The following CLYBL variants were observed in gnomAD, a reference collection of about 807,000 sequenced individuals.
CLYBL encodes the protein citramalyl-CoA lyase.
A neutral mutation model predicts 38.9 loss-of-function variants in CLYBL; 31 were observed. The observed-to-expected ratio is 0.80, with a 90% CI of 0.60 to 1.08. The LOEUF is 1.08. Ranked by LOEUF, CLYBL falls within the 50% of genes least tolerant of loss-of-function variation. The pLI, the probability that CLYBL is intolerant of heterozygous loss-of-function variation, is 0.00. For synonymous variants in CLYBL, 171 were observed against 158.6 expected, an observed-to-expected ratio of 1.08 and a Z score of -0.59; for missense variants, 434 against 411.6, an observed-to-expected ratio of 1.05 and a Z score of -0.47.
At chr13:99,892,099 A>G (rs1298430415) in intron 8 of CLYBL, 1 of 152,238 alleles carries the variant, frequency 6.6e-6, no homozygotes, top group Non-Finnish European at 1.5e-5. Flanking sequence ...ACCGGCAATT[A>G]AAAAATAAAT....
intron 1 of CLYBL, among the ~76,000 whole-genome samples, chr13:99,717,887 A>G (rs1211665949): frequency 6.6e-6 from 1 of 152,198 alleles, no homozygotes; most frequent in Non-Finnish European, 1.5e-5. Flanking sequence ...TTAATAACAT[A>G]GGATCACTTC....
intron 1 of CLYBL, among the ~76,000 whole-genome samples, chr13:99,652,821 C>T (rs1164025116): frequency 6.6e-6 from 1 of 152,210 alleles, no homozygotes; most frequent in Non-Finnish European, 1.5e-5. Flanking sequence ...GCTACTGAAG[C>T]TTATTGCTTC....
At chr13:99,801,665 C>T (rs2050138876) in intron 2 of CLYBL, among the ~76,000 whole-genome samples, 1 of 152,148 alleles carries the variant, frequency 6.6e-6, no homozygotes, top group Admixed American at 6.5e-5. Flanking sequence ...AATACTGTCA[C>T]TTTCTGCGTA....
rs1594078707 is a variant in CLYBL, at chr13:99,606,832, CCGGGCGCGG to C, written c.62+77_62+85del. On this transcript the variant is annotated intron_variant, in intron 1 of 8. Coordinates refer to ENST00000339105, the MANE Select transcript of CLYBL (RefSeq NM_206808.5). ...TCGGCTCCTGTTGCAGCCCCGCGGGCCGGGCGCGGCCTCCCCAAGCCCTCACGGGAACCC... is the reference window on the plus strand; with the variant it reads ...TCGGCTCCTGTTGCAGCCCCGCGGGCCCTCCCCAAGCCCTCACGGGAACCC... 5 of 1,300,144 alleles carry C rather than the reference CCGGGCGCGG, an allele frequency of 3.8e-6. No individual in the cohort carries two copies. In the East Asian group the frequency reaches 1.6e-4, roughly 41 times the overall value. 80.5% of individuals were successfully genotyped at this position (1,300,144 alleles called of 1,614,324 possible).
At chr13:99,841,154 G>C (rs1357317084) in intron 2 of CLYBL, among the ~76,000 whole-genome samples, 2 of 152,070 alleles carry the variant, frequency 1.3e-5, no homozygotes, top group Admixed American at 6.5e-5. Flanking sequence ...ATTTTTTATC[G>C]AGAGGTGGAG....
In CLYBL at chr13:99,627,456, C is replaced by G. The variant is rs74112503; in HGVS notation, c.62+20699C>G. Among the ~76,000 whole-genome samples, 1,514 of 152,174 alleles carry G rather than the reference C, an allele frequency of 9.9e-3. 18 individuals are homozygous for G. Among genetic ancestry groups the G allele is most frequent in the African/African-American group, 0.034 (1,417 of 41,500 alleles). On this transcript the variant is annotated intron_variant, in intron 1 of 8. Transcript: ENST00000339105. ...GGTTTAGTTTTCACCACTTCTAAGC[C>G]TATGACAAATGGTCTTGGAAGATCT...
At chr13:99,821,088 G>A (rs1400739170) in intron 2 of CLYBL, among the ~76,000 whole-genome samples, 1 of 152,200 alleles carries the variant, frequency 6.6e-6, no homozygotes, top group African/African-American at 2.4e-5. Flanking sequence ...TGTAGAAACT[G>A]CTTGGTGGAA....
chr13:99,668,574 A>T (rs1393318601), intron 1 of CLYBL, among the ~76,000 whole-genome samples: 2 of 133,748 alleles, frequency 1.5e-5, no homozygotes, highest in South Asian at 5.2e-4. Context: ...AGACAGAGCG[A>T]AACTCCATCT....
chr13:99,727,371 C>T (rs2048495809), intron 1 of CLYBL: 1 of 151,978 alleles, frequency 6.6e-6, no homozygotes, highest in Non-Finnish European at 1.5e-5. Context: ...TGAATCAAGC[C>T]TGCCTCCACC....
At chr13:99,854,097 T>C (rs2051397683) in intron 2 of CLYBL, among the ~76,000 whole-genome samples, 1 of 152,198 alleles carries the variant, frequency 6.6e-6, no homozygotes, top group South Asian at 2.1e-4. Context: ...TCACAAATGT[T>C]GTGGATCTCC....
intron 1 of CLYBL, among the ~76,000 whole-genome samples, chr13:99,617,286 G>A (rs7328481): frequency 0.4 from 59,738 of 150,670 alleles, 12,547 homozygotes; most frequent in East Asian, 0.76. Flanking sequence ...CTAAAAATTG[G>A]CACTTTTTTT....
intron 1 of CLYBL, among the ~76,000 whole-genome samples, chr13:99,695,292 C>A (rs986366604): frequency 6.6e-6 from 1 of 151,990 alleles, no homozygotes; most frequent in Non-Finnish European, 1.5e-5. Context: ...ATGGCTGACA[C>A]CCCTATAACA....
rs113118395 is a variant in CLYBL at position 99,903,445 on chromosome 13, G to C, written c.*25-1825G>C. 8.2e-3 allele frequency among the ~76,000 whole-genome samples: 1,250 copies of C among 152,078 alleles called. 19 individuals are homozygous for C. The highest frequency in any genetic ancestry group is 0.028 in the African/African-American group (1,151 of 41,484). ...ACACGCACACACACATGCACACAGGGAATTGTCATCCTTAGCAAATAGCAA... is the reference window on the plus strand; with the variant it reads ...ACACGCACACACACATGCACACAGGCAATTGTCATCCTTAGCAAATAGCAA... On this transcript the variant is annotated intron_variant and NMD_transcript_variant, in intron 8 of 9. Transcript: ENST00000689673.
At chr13:99,860,870 G>A (rs190928266) in intron 3 of CLYBL, among the ~76,000 whole-genome samples, 3 of 152,274 alleles carry the variant, frequency 2.0e-5, no homozygotes, top group East Asian at 1.9e-4. Context: ...GCCTTTTGTC[G>A]CTAGTGTGGG....
At chr13:99,766,186 G>T (rs774912567) in intron 1 of CLYBL, among the ~76,000 whole-genome samples, 25 of 151,544 alleles carry the variant, frequency 1.6e-4, no homozygotes, top group Non-Finnish European at 3.1e-4. Flanking sequence ...TCTGTATCTT[G>T]TAGGCAATCT....
intron 8 of CLYBL, among the ~76,000 whole-genome samples, chr13:99,902,764 G>A (rs572247558): frequency 6.6e-6 from 1 of 152,338 alleles, no homozygotes; most frequent in South Asian, 2.1e-4. Flanking sequence ...AGGCCACAGA[G>A]TAAAACCTTC....
chr13:99,871,650 C>G (rs1594236444), intron 7 of CLYBL, among the ~76,000 whole-genome samples: 1 of 152,116 alleles, frequency 6.6e-6, no homozygotes, highest in East Asian at 1.9e-4. Context: ...GTTTCCTGCT[C>G]TGTGGGTTTC....
intron 2 of CLYBL, among the ~76,000 whole-genome samples, chr13:99,778,613 G>A (rs1566323220): frequency 6.6e-6 from 1 of 152,124 alleles, no homozygotes; most frequent in East Asian, 1.9e-4. Context: ...GCTCCTTCAT[G>A]TCAAGGATGG....
chr13:99,741,747 G>A (rs527957279), intron 1 of CLYBL, among the ~76,000 whole-genome samples: 49 of 152,284 alleles, frequency 3.2e-4, no homozygotes, highest in African/African-American at 1.2e-3. Flanking sequence ...AAAGTGCTGG[G>A]ATTATAGGCA....
Sources: allele counts gnomAD v4.1 joint callset (sites outside exome capture counted in the v4.1 genomes callset), GRCh38; gene constraint gnomAD v4.1.1; transcripts MANE v1.5; gene names NCBI Gene and HGNC (gene_info 2026-07-23, HGNC 2026-07-21).